Variants in ZFHX3 observed in about 807,000 individuals in gnomAD.
ZFHX3 encodes zinc finger homeobox protein 3.
In ZFHX3, 42 loss-of-function variants were observed where a neutral mutation model predicts 279.1. The observed-to-expected ratio is 0.15, with a 90% CI of 0.12 to 0.19. The LOEUF is 0.19. Among genes scored for constraint, ZFHX3 ranks in the 10% least tolerant of loss-of-function variants. ZFHX3 has a pLI of 1.00. For missense variants in ZFHX3, 4,981 were observed against 4,754.0 expected, an observed-to-expected ratio of 1.05 and a Z score of -1.40; for synonymous variants, 2,293 against 1,957.8, an observed-to-expected ratio of 1.17 and a Z score of -4.52.
intron 1 of ZFHX3, among the ~76,000 whole-genome samples, chr16:73,710,711 C>T (rs897324200): frequency 5.9e-5 from 9 of 152,130 alleles, no homozygotes; most frequent in African/African-American, 1.7e-4. Flanking sequence ...GGCTCACAGC[C>T]GCTGTGTCCT....
intron 5 of ZFHX3, among the ~76,000 whole-genome samples, chr16:73,230,760 C>A (rs1444398873): frequency 6.6e-6 from 1 of 152,082 alleles, no homozygotes; most frequent in Non-Finnish European, 1.5e-5. Context: ...CACCTCAGCC[C>A]GTGTGATATA....
chr16:72,800,464 G>A (rs1294510436), intron 7 of ZFHX3, among the ~76,000 whole-genome samples: 1 of 152,200 alleles, frequency 6.6e-6, no homozygotes, highest in Non-Finnish European at 1.5e-5. Flanking sequence ...AGGTAGATAA[G>A]TTGAAAGGCC....
At chr16:72,970,747 A>G (rs1292160608) in intron 1 of ZFHX3, among the ~76,000 whole-genome samples, 1 of 151,894 alleles carries the variant, frequency 6.6e-6, no homozygotes, top group African/African-American at 2.4e-5. Context: ...TCTCCTCCCA[A>G]TTTCCTCAAA....
chr16:73,033,440 C>T (rs1327745090), intron 1 of ZFHX3, among the ~76,000 whole-genome samples: 2 of 152,124 alleles, frequency 1.3e-5, no homozygotes, highest in African/African-American at 4.8e-5. Context: ...AGAAGTGAAG[C>T]GGGGCTGCCT....
intron 4 of ZFHX3, among the ~76,000 whole-genome samples, chr16:73,293,246 CA>C (rs1567442128): frequency 6.6e-6 from 1 of 152,128 alleles, no homozygotes; most frequent in Non-Finnish European, 1.5e-5. Context: ...ACCAGAGTCA[CA>C]GCTGGTAAAA....
At chr16:72,867,736 A>G (rs1447955633) in intron 4 of ZFHX3, among the ~76,000 whole-genome samples, 1 of 124,378 alleles carries the variant, frequency 8.0e-6, no homozygotes, top group East Asian at 2.0e-4. Context: ...AAAAAAAAAA[A>G]GAAGAAGAAG....
intron 2 of ZFHX3, among the ~76,000 whole-genome samples, chr16:73,516,133 T>C (rs1195162069): frequency 6.6e-6 from 1 of 152,174 alleles, no homozygotes; most frequent in African/African-American, 2.4e-5. Flanking sequence ...GCTATACAAA[T>C]GCATTTTGAA....
At chr16:73,040,397 T>C (rs1373848186) in intron 1 of ZFHX3, among the ~76,000 whole-genome samples, 2 of 152,152 alleles carry the variant, frequency 1.3e-5, no homozygotes, top group South Asian at 2.1e-4. Context: ...TTGATAGTAT[T>C]TGCATATAAA....
intron 4 of ZFHX3, among the ~76,000 whole-genome samples, chr16:73,266,814 A>G (rs1296665851): frequency 6.6e-6 from 1 of 152,232 alleles, no homozygotes; most frequent in Non-Finnish European, 1.5e-5. Flanking sequence ...CTTCTGCCAC[A>G]TAAGATAGGG....
chr16:73,779,641 C>CCAGT, intron 1 of ZFHX3, among the ~76,000 whole-genome samples: 1 of 152,322 alleles, frequency 6.6e-6, no homozygotes, highest in African/African-American at 2.4e-5. Flanking sequence ...CAGAGAAGCA[C>CCAGT]CAGTCAACAG....
At chr16:73,661,062 C>T (rs2052778218) in intron 2 of ZFHX3, among the ~76,000 whole-genome samples, 1 of 152,200 alleles carries the variant, frequency 6.6e-6, no homozygotes, top group Non-Finnish European at 1.5e-5. Flanking sequence ...CTGCACATAA[C>T]ACAGCTGTTC....
rs890937272 is a variant in ZFHX3 at position 73,557,166 on chromosome 16, T to C, written c.-1546-100908A>G. On this transcript the variant is annotated intron_variant, in intron 2 of 17. Coordinates refer to the ZFHX3 transcript ENST00000641206. ...GCTGAGGACCCCAGGACAGGCAGGATGAATGAGGCCCATGGTGTGGCCGGG... is the reference window on the plus strand; with the variant it reads ...GCTGAGGACCCCAGGACAGGCAGGACGAATGAGGCCCATGGTGTGGCCGGG... Among the ~76,000 whole-genome samples the C allele has an allele frequency of 2.8e-5, 4 of 143,240 alleles. No homozygotes were observed. The Admixed American group carries it at 2.8e-4, about 10-fold the overall frequency. The allele number at this position is 143,240 out of a possible 152,430, so 94.0% of individuals were successfully genotyped here.
chr16:73,731,541 CA>C (rs1458141515), intron 1 of ZFHX3, among the ~76,000 whole-genome samples: 5 of 150,752 alleles, frequency 3.3e-5, no homozygotes, highest in African/African-American at 1.2e-4. Context: ...GTGATCGGAA[CA>C]AAAAACACAC....
intron 2 of ZFHX3, among the ~76,000 whole-genome samples, chr16:73,635,055 C>A (rs1422423409): frequency 6.6e-6 from 1 of 152,142 alleles, no homozygotes; most frequent in Non-Finnish European, 1.5e-5. Flanking sequence ...CATTAAAGAT[C>A]AATTTAACTG....
intron 3 of ZFHX3, among the ~76,000 whole-genome samples, chr16:73,364,189 G>T (rs1031395972): frequency 6.9e-6 from 1 of 144,806 alleles, no homozygotes; most frequent in African/African-American, 2.5e-5. Context: ...AAAAAAAAAA[G>T]AACTTTAAGT....
At chr16:72,822,613 C>T (rs1449754729) in intron 5 of ZFHX3, among the ~76,000 whole-genome samples, 1 of 152,092 alleles carries the variant, frequency 6.6e-6, no homozygotes, top group Non-Finnish European at 1.5e-5. Flanking sequence ...ACAAAGCAGG[C>T]AAGATTAACA....
At chr16:73,482,747 A>C (rs2018892219) in intron 2 of ZFHX3, among the ~76,000 whole-genome samples, 1 of 152,218 alleles carries the variant, frequency 6.6e-6, no homozygotes, top group Admixed American at 6.5e-5. Context: ...ACTGTATAGA[A>C]TATTGATCCC....
At chr16:73,026,447 G>A (rs1259484704) in intron 1 of ZFHX3, among the ~76,000 whole-genome samples, 1 of 151,974 alleles carries the variant, frequency 6.6e-6, no homozygotes, top group African/African-American at 2.4e-5. Context: ...CAAGGCGGGT[G>A]GATCACCTGA....
chr16:73,685,052 G>C (rs1239338904), intron 1 of ZFHX3, among the ~76,000 whole-genome samples: 3 of 143,086 alleles, frequency 2.1e-5, no homozygotes. Context: ...GTCTCACTCT[G>C]TCGCCAGGCT....
Sources: allele counts gnomAD v4.1 joint callset (sites outside exome capture counted in the v4.1 genomes callset), GRCh38; gene constraint gnomAD v4.1.1; transcripts MANE v1.5; gene names NCBI Gene and HGNC (gene_info 2026-07-23, HGNC 2026-07-21).